The following BRWD1 variants were observed in gnomAD, a reference collection of about 807,000 sequenced individuals.
The protein encoded by BRWD1 is bromodomain and WD repeat domain containing 1.
In BRWD1, 82 loss-of-function variants were observed where a neutral mutation model predicts 251.2. That is an observed-to-expected ratio of 0.33 (90% CI 0.27 to 0.39). BRWD1 has a LOEUF of 0.39. BRWD1 is among the 10% of genes least tolerant of loss of function. The pLI, the probability that BRWD1 is intolerant of heterozygous loss-of-function variation, is 1.00. For synonymous variants in BRWD1, 918 were observed against 902.8 expected, an observed-to-expected ratio of 1.02 and a Z score of -0.30; for missense variants, 2,233 against 2,711.6, an observed-to-expected ratio of 0.82 and a Z score of 3.92.
At position 39,250,871 on chromosome 21, in the gene BRWD1, T is replaced by G. The variant is rs761693694; in HGVS notation, c.2274A>C (p.Arg758=). ...LGIFRKLEDF[R]LEKGEEERNL... ...TTCTTTCCTCTTCACCTTTCTCTAA[T>G]CGGAAGTCTTCCAGCTTCCTACAAA... Residue 758 remains arginine, a synonymous_variant, in exon 20 of 41, where the codon CGA becomes CGC. Coordinates refer to ENST00000342449, the MANE Select transcript of BRWD1 (RefSeq NM_033656.4). The G allele has an allele frequency of 1.3e-6, 2 of 1,595,332 alleles. No individual in the cohort carries two copies. The highest frequency in any genetic ancestry group is 2.3e-5 in the South Asian group (2 of 87,374).
At position 39,196,639 on chromosome 21, in the gene BRWD1, T is replaced by C. The variant is rs907129708; in HGVS notation, c.6430A>G (p.Thr2144Ala). 8.7e-6 allele frequency: 14 copies of C among 1,613,766 alleles called. No individual in the cohort carries two copies. The highest frequency in any genetic ancestry group is 1.2e-5 in the Non-Finnish European group (14 of 1,179,836). The change falls in exon 41 of 41, where the codon ACT becomes GCT. Residue 2144 changes from threonine to alanine, a missense_variant. Around this residue, in one of 12 missense-constraint regions of BRWD1, gnomAD observed 928 missense variants for 970.0 expected, o/e 0.96. Transcript: ENST00000342449. ...TCAGGTCTAAACTTTGAATTCCCAG[T>C]TGTTTCAGAGATTTTCACATTTTCC... ...ELENVKISET[T>A]GNSKFRPDTS...
In BRWD1 at chr21:39,280,241, G is replaced by A. The variant is rs747383029; in HGVS notation, c.839C>T (p.Pro280Leu). 8 of 1,603,112 alleles carry A rather than the reference G, an allele frequency of 5.0e-6. No individual in the cohort carries two copies. Among genetic ancestry groups the A allele is most frequent in the East Asian group, 2.2e-5 (1 of 44,484 alleles). ...GTATCTTTGAGAGCCTTTGGCCATC[G>A]GGCTAAACTAAAAAGTAAAACATAT... ...TGSITSLQFS[P>L]MAKGSQRYMV... The change falls in exon 9 of 41, where the codon CCG becomes CTG. Residue 280 changes from proline (P) to leucine (L), a missense_variant. Coordinates refer to ENST00000342449, the MANE Select transcript of BRWD1 (RefSeq NM_033656.4).
intron 8 of BRWD1, among the ~76,000 whole-genome samples, chr21:39,286,618 G>A (rs952040316): frequency 1.3e-5 from 2 of 151,382 alleles, no homozygotes; most frequent in African/African-American, 4.9e-5. Flanking sequence ...GGCTTCAAGC[G>A]ATTCTCCTGC....
At chr21:39,209,333 C>T (rs952127461) in intron 36 of BRWD1, among the ~76,000 whole-genome samples, 1 of 151,934 alleles carries the variant, frequency 6.6e-6, no homozygotes, top group Non-Finnish European at 1.5e-5. Flanking sequence ...AAAGCCAGCA[C>T]CGGAGTCAGA....
intron 17 of BRWD1, among the ~76,000 whole-genome samples, chr21:39,259,266 A>G (rs1432538743): frequency 6.6e-6 from 1 of 152,132 alleles, no homozygotes; most frequent in Non-Finnish European, 1.5e-5. Context: ...TTTTTAACAT[A>G]GCTACTACCC....
intron 21 of BRWD1, among the ~76,000 whole-genome samples, chr21:39,239,625 T>C (rs143991943): frequency 2.0e-5 from 3 of 152,320 alleles, no homozygotes; most frequent in African/African-American, 7.2e-5. Flanking sequence ...TTATTCTTCT[T>C]CAGTGTTGTG....
intron 15 of BRWD1, among the ~76,000 whole-genome samples, chr21:39,268,803 G>A (rs1348860624): frequency 1.1e-4 from 17 of 152,018 alleles, no homozygotes; most frequent in African/African-American, 3.1e-4. Context: ...TGGCTAACAC[G>A]GTGAAACCCC....
At position 39,197,156 on chromosome 21, in the gene BRWD1, T is replaced by C; in HGVS notation, c.5913A>G (p.Thr1971=). ...CACAATCACTCAATTTCTTCTTAGC[T>C]GTAGTACAAGCAAGATGGAGAGGTT... ...RKKPLHLACT[T]AKKKLSDCEG... is the part of the protein sequence containing the mutation. Residue 1971 remains threonine (T), a synonymous_variant, in exon 41 of 41, where the codon ACA becomes ACG. Coordinates refer to ENST00000342449, the MANE Select transcript of BRWD1 (RefSeq NM_033656.4). 1.2e-6 allele frequency: 2 copies of C among 1,614,162 alleles called. No homozygotes were observed. The highest frequency in any genetic ancestry group is 1.7e-6 in the Non-Finnish European group (2 of 1,179,988).
intron 25 of BRWD1, among the ~76,000 whole-genome samples, chr21:39,229,750 TG>T (rs1234590028): frequency 3.9e-5 from 6 of 152,212 alleles, no homozygotes; most frequent in Non-Finnish European, 8.8e-5. Context: ...GGCTTTGTTT[TG>T]GAAACAGGAT....
Position 39,187,387 on chromosome 21 carries a change from G to C in BRWD1, c.*8872C>G. Reference sequence around the variant, plus strand: ...ATTATGCATACATGTTCTCACTTTTGTATTGGGTTCTCTGTCTCTAGGAAC... The same window carrying C: ...ATTATGCATACATGTTCTCACTTTTCTATTGGGTTCTCTGTCTCTAGGAAC... On this transcript the variant is annotated 3_prime_UTR_variant, in exon 41 of 41. Transcript: ENST00000342449. The C allele has an allele frequency of 6.3e-7, 1 of 1,589,386 alleles. No individual in the cohort carries two copies. Among genetic ancestry groups the C allele is most frequent in the Non-Finnish European group, 8.6e-7 (1 of 1,169,392 alleles).
downstream of BRWD1, chr21:39,185,320 A>C (rs1055739665): frequency 8.0e-6 from 1 of 125,148 alleles, no homozygotes; most frequent in Non-Finnish European, 1.7e-5. Flanking sequence ...AAAAAAAAAA[A>C]AACTTTGCAT....
chr21:39,317,482 A>G (rs1414168498), upstream of BRWD1, among the ~76,000 whole-genome samples: 3 of 152,262 alleles, frequency 2.0e-5, no homozygotes, highest in African/African-American at 7.2e-5. Flanking sequence ...GCGCAGAGGA[A>G]GTATGGCCCA....
intron 5 of BRWD1, 132 bp from the exon 6 acceptor site, chr21:39,296,495 G>T (rs2035965175): frequency 7.9e-7 from 1 of 1,263,756 alleles, no homozygotes; most frequent in Non-Finnish European, 1.0e-6. Flanking sequence ...TAACAGAAAA[G>T]CCCTGGAGGT....
chr21:39,264,060 A>T (rs560912453), intron 17 of BRWD1, among the ~76,000 whole-genome samples: 1 of 152,206 alleles, frequency 6.6e-6, no homozygotes, highest in Admixed American at 6.5e-5. Flanking sequence ...TCCAGATTAC[A>T]GGAAATTAAG....
intron 29 of BRWD1, among the ~76,000 whole-genome samples, chr21:39,221,276 C>T (rs575607664): frequency 1.3e-5 from 2 of 151,714 alleles, no homozygotes; most frequent in Admixed American, 6.6e-5. Context: ...TAGTGCCTAA[C>T]TTGATGCCCC....
intron 4 of BRWD1, among the ~76,000 whole-genome samples, chr21:39,304,186 A>C (rs895024719): frequency 6.6e-6 from 1 of 151,536 alleles, no homozygotes; most frequent in Non-Finnish European, 1.5e-5. Context: ...TAAGTAGAAT[A>C]CTTTTTACCT....
At chr21:39,201,270 T>G (rs1455048358) in intron 38 of BRWD1, among the ~76,000 whole-genome samples, 1 of 152,206 alleles carries the variant, frequency 6.6e-6, no homozygotes, top group South Asian at 2.1e-4. Flanking sequence ...TTCTACTGTT[T>G]GCCCACCTCA....
intron 8 of BRWD1, among the ~76,000 whole-genome samples, chr21:39,283,592 G>A (rs77736956): frequency 0.015 from 2,336 of 152,200 alleles, 57 homozygotes; most frequent in African/African-American, 0.053. Context: ...TTTAACCATC[G>A]TATTAAGCTC....
chr21:39,209,159 C>T (rs555471125), intron 36 of BRWD1, among the ~76,000 whole-genome samples: 1 of 152,016 alleles, frequency 6.6e-6, no homozygotes, highest in Non-Finnish European at 1.5e-5. Flanking sequence ...ACTAACTTCC[C>T]CCAAATTTGC....
Sources: allele counts gnomAD v4.1 joint callset (sites outside exome capture counted in the v4.1 genomes callset), GRCh38; gene constraint gnomAD v4.1.1; regional missense constraint gnomAD v4.1.1; transcripts MANE v1.5; gene names NCBI Gene and HGNC (gene_info 2026-07-23, HGNC 2026-07-21).